MSRB3: variants seen among roughly 807,000 people sequenced by gnomAD.
MSRB3 encodes methionine sulfoxide reductase B3, also known as methionine-R-sulfoxide reductase B3.
MSRB3 carries 13 observed loss-of-function variants against 21.0 expected under a neutral mutation model. That is an observed-to-expected ratio of 0.62 (90% CI 0.40 to 0.98). The LOEUF is 0.98. Ranked by LOEUF, MSRB3 falls within the 50% of genes least tolerant of loss-of-function variation. The pLI is 0.00. For missense variants in MSRB3, 199 were observed against 230.3 expected, an observed-to-expected ratio of 0.86 and a Z score of 0.88; for synonymous variants, 87 against 88.6, an observed-to-expected ratio of 0.98 and a Z score of 0.10.
At chr12:65,398,843 A>G (rs1332841022) in intron 5 of MSRB3, among the ~76,000 whole-genome samples, 3 of 152,024 alleles carry the variant, frequency 2.0e-5, no homozygotes. Flanking sequence ...AGTTTTCCCA[A>G]CACCATCTAT....
chr12:65,375,094 C>T (rs550163268), intron 5 of MSRB3, among the ~76,000 whole-genome samples: 6 of 151,976 alleles, frequency 3.9e-5, no homozygotes, highest in Admixed American at 6.5e-5. Context: ...ATCAGCTCGC[C>T]TCGGCCTCCC....
At chr12:65,452,733 G>A (rs1882911254) in intron 5 of MSRB3, among the ~76,000 whole-genome samples, 1 of 152,104 alleles carries the variant, frequency 6.6e-6, no homozygotes, top group African/African-American at 2.4e-5. Flanking sequence ...GTTGAAGTTT[G>A]CATTCTGTTT....
chr12:65,336,079 T>TCC (rs1207284789), intron 4 of MSRB3, among the ~76,000 whole-genome samples: 2 of 152,296 alleles, frequency 1.3e-5, no homozygotes, highest in East Asian at 3.9e-4. Flanking sequence ...TCCTGTCTTG[T>TCC]CCCCATACAA....
intron 5 of MSRB3, among the ~76,000 whole-genome samples, chr12:65,405,781 G>C (rs1344555356): frequency 6.6e-6 from 1 of 151,988 alleles, no homozygotes; most frequent in Non-Finnish European, 1.5e-5. Context: ...ATCCTAGCAG[G>C]TATGAGATGA....
chr12:65,366,221 C>A lies in MSRB3; in HGVS notation c.264-2777C>A, dbSNP rs1386026212. 9.2e-5 allele frequency among the ~76,000 whole-genome samples: 14 copies of A among 152,264 alleles called. 1 individual carries two copies. The South Asian group carries it at 1.7e-3, about 18-fold the overall frequency. ...CCTGCTTTCTATGCCACACCTTTTT[C>A]CCATCTTTTAGGGCCAAGGGGTCCC... On this transcript the variant is annotated intron_variant, in intron 4 of 6. Transcript: ENST00000308259.
chr12:65,357,049 T>A (rs1197623248), intron 4 of MSRB3, among the ~76,000 whole-genome samples: 1 of 151,888 alleles, frequency 6.6e-6, no homozygotes, highest in Non-Finnish European at 1.5e-5. Context: ...AAACCAGGAA[T>A]AAGGAACAAA....
chr12:65,309,462 A>T (rs1873854347), intron 2 of MSRB3, among the ~76,000 whole-genome samples: 3 of 152,226 alleles, frequency 2.0e-5, no homozygotes, highest in African/African-American at 7.2e-5. Flanking sequence ...CATTGTGTTA[A>T]GCAGTGAGGA....
chr12:65,413,199 T>A (rs143174619), intron 5 of MSRB3, among the ~76,000 whole-genome samples: 9 of 152,328 alleles, frequency 5.9e-5, no homozygotes, highest in African/African-American at 2.2e-4. Context: ...GGTATTAAGA[T>A]GAACCCATCT....
At chr12:65,419,620 T>C in intron 5 of MSRB3, 1 of 711,740 alleles carries the variant, frequency 1.4e-6, no homozygotes, top group Non-Finnish European at 2.6e-6. Context: ...CCTCAGGTCC[T>C]CGATGGTCTT....
At chr12:65,327,066 T>C in intron 3 of MSRB3, 132 bp downstream of exon 3, 1 of 717,128 alleles carries the variant, frequency 1.4e-6, no homozygotes, top group Non-Finnish European at 2.5e-6. Context: ...TTAGTATCCT[T>C]GAAAAGGTTA....
intron 1 of MSRB3, among the ~76,000 whole-genome samples, chr12:65,293,412 T>C (rs1428072836): frequency 6.6e-6 from 1 of 152,204 alleles, no homozygotes; most frequent in African/African-American, 2.4e-5. Flanking sequence ...TTTGCACCTG[T>C]CAGCCTTATC....
At chr12:65,454,673 T>C (rs1276582673) in intron 6 of MSRB3, among the ~76,000 whole-genome samples, 1 of 152,212 alleles carries the variant, frequency 6.6e-6, no homozygotes, top group Non-Finnish European at 1.5e-5. Flanking sequence ...GGTAATTCCT[T>C]TTCTGCTTCT....
intron 6 of MSRB3, among the ~76,000 whole-genome samples, chr12:65,458,271 T>C (rs1387308016): frequency 6.6e-6 from 1 of 152,144 alleles, no homozygotes; most frequent in African/African-American, 2.4e-5. Context: ...TTAAAAAAAA[T>C]TGTGGTAGGG....
At chr12:65,460,613 A>G (rs1425848141) in intron 6 of MSRB3, among the ~76,000 whole-genome samples, 1 of 152,194 alleles carries the variant, frequency 6.6e-6, no homozygotes, top group Non-Finnish European at 1.5e-5. Flanking sequence ...TAATGAAGCC[A>G]TAACTATCAT....
At chr12:65,319,489 G>A (rs1194278414) in intron 2 of MSRB3, among the ~76,000 whole-genome samples, 1 of 152,092 alleles carries the variant, frequency 6.6e-6, no homozygotes, top group African/African-American at 2.4e-5. Flanking sequence ...ATTTTAAAGT[G>A]TTAACATCCT....
Position 65,464,589 on chromosome 12 carries a change from C to T in MSRB3, c.*1267C>T, listed in dbSNP as rs1883485111. On this transcript the variant is annotated 3_prime_UTR_variant, in exon 7 of 7. Transcript: ENST00000308259. ...TTCTCTCCACACCTAAAAGCAGCTG[C>T]AGCTGGAAGGGCACAAATTCCACTG... 6.6e-6 allele frequency: 1 copy of T among 152,280 alleles called. No homozygotes were observed. Among genetic ancestry groups the T allele is most frequent in the South Asian group, 2.1e-4 (1 of 4,828 alleles). The allele number at this position is 152,280 out of a possible 1,614,324, so 9.4% of individuals were successfully genotyped here. A position where few individuals can be genotyped will look rare whatever the true frequency, so the allele number is the denominator to read the frequency against.
chr12:65,278,695 G>A lies in MSRB3; in HGVS notation c.-222G>A. On this transcript the variant is annotated 5_prime_UTR_variant, in exon 1 of 7. Transcript: ENST00000308259. Reference sequence around the variant, plus strand: ...GGAATTTCCCGTCATGCCTCCCGCCGCCCCGTCCGTCGCCCGGAGCCGGGG... The same window carrying A: ...GGAATTTCCCGTCATGCCTCCCGCCACCCCGTCCGTCGCCCGGAGCCGGGG... 2.3e-6 allele frequency: 3 copies of A among 1,322,188 alleles called. No homozygotes were observed. The highest frequency in any genetic ancestry group is 1.9e-5 in the Admixed American group (1 of 52,172). The allele number at this position is 1,322,188 out of a possible 1,614,324, so 81.9% of individuals were successfully genotyped here.
intron 1 of MSRB3, among the ~76,000 whole-genome samples, chr12:65,297,506 T>C (rs1390697827): frequency 6.6e-6 from 1 of 152,202 alleles, no homozygotes; most frequent in Non-Finnish European, 1.5e-5. Context: ...TTATATTTAT[T>C]TGACAAATAT....
Position 65,350,919 on chromosome 12 carries a change from C to G in MSRB3, c.264-18079C>G, listed in dbSNP as rs1471461078. Among the ~76,000 whole-genome samples, 123 of 147,618 alleles carry G rather than the reference C, an allele frequency of 8.3e-4. 1 individual carries two copies. The highest frequency in any genetic ancestry group is 3.0e-3 in the African/African-American group (114 of 38,516). ...ACAGATCAACGAGACAGAAAGTCAA[C>G]AAGGATACCCAGGAATTGAACTCAG... On this transcript the variant is annotated intron_variant, in intron 4 of 6. Coordinates refer to ENST00000308259, the MANE Select transcript of MSRB3 (RefSeq NM_001031679.3).
Sources: gnomAD v4.1 joint callset for allele counts (sites outside exome capture counted in the v4.1 genomes callset) on GRCh38, gnomAD v4.1.1 for gene constraint, MANE v1.5 for transcripts, NCBI Gene and HGNC (gene_info 2026-07-23, HGNC 2026-07-21) for gene names.